Variants in PC observed in about 807,000 individuals in gnomAD.
PC encodes the protein pyruvate carboxylase.
In PC, 46 loss-of-function variants were observed where a neutral mutation model predicts 107.8. The observed-to-expected ratio is 0.43, with a 90% CI of 0.34 to 0.55. The LOEUF (loss-of-function observed/expected upper bound fraction) is 0.55. Ranked by LOEUF, PC falls within the 20% of genes least tolerant of loss-of-function variation. PC has a pLI of 0.04. For missense variants in PC, 1,241 were observed against 1,643.1 expected, an observed-to-expected ratio of 0.76 and a Z score of 4.23; for synonymous variants, 662 against 684.7, an observed-to-expected ratio of 0.97 and a Z score of 0.52.
chr11:66,941,084 A>C (rs1949118005), intron 3 of PC, among the ~76,000 whole-genome samples: 1 of 140,396 alleles, frequency 7.1e-6, no homozygotes. Flanking sequence ...CATCTAAAAA[A>C]AAAAAAAAAA....
At chr11:66,899,640 G>A (rs751468653) in intron 3 of PC, among the ~76,000 whole-genome samples, 18 of 152,198 alleles carry the variant, frequency 1.2e-4, no homozygotes, top group Non-Finnish European at 1.9e-4. Context: ...CCAGCCAAGA[G>A]TTCTTGAGGT....
chr11:66,956,332 C>T (rs1949560539), intron 1 of PC, among the ~76,000 whole-genome samples: 3 of 152,058 alleles, frequency 2.0e-5, no homozygotes. Context: ...TGCCTATAAT[C>T]CCAGCACTTT....
At chr11:66,872,889 T>C (rs1396374582) in intron 3 of PC, among the ~76,000 whole-genome samples, 2 of 151,312 alleles carry the variant, frequency 1.3e-5, no homozygotes, top group Non-Finnish European at 2.9e-5. Context: ...ATATAAAAAT[T>C]AGCCGGGCAT....
intron 3 of PC, among the ~76,000 whole-genome samples, chr11:66,941,313 T>C (rs1438760305): frequency 6.6e-6 from 1 of 152,000 alleles, no homozygotes; most frequent in African/African-American, 2.4e-5. Context: ...AAAAATAGAA[T>C]TGCCATTGAC....
chr11:66,953,350 C>T (rs145548343), intron 2 of PC, among the ~76,000 whole-genome samples: 1 of 152,304 alleles, frequency 6.6e-6, no homozygotes, highest in Non-Finnish European at 1.5e-5. Context: ...AGCTGTCTTA[C>T]GTGACCTGAG....
At chr11:66,903,914 G>A (rs1423217757) in intron 3 of PC, among the ~76,000 whole-genome samples, 2 of 145,738 alleles carry the variant, frequency 1.4e-5, no homozygotes, top group Admixed American at 6.9e-5. Context: ...TGCAACCTCC[G>A]CCTCCTAGGC....
intron 11 of PC, among the ~76,000 whole-genome samples, chr11:66,865,251 A>G (rs1371237262): frequency 6.6e-6 from 1 of 151,632 alleles, no homozygotes; most frequent in Non-Finnish European, 1.5e-5. Flanking sequence ...CTTGTCTCAG[A>G]AGCCCAGAGC....
intron 3 of PC, among the ~76,000 whole-genome samples, chr11:66,918,846 T>G (rs1948527293): frequency 6.6e-6 from 1 of 152,116 alleles, no homozygotes; most frequent in Non-Finnish European, 1.5e-5. Context: ...CCCAGCCCAG[T>G]GAAGAAGGCC....
At chr11:66,860,950 C>A (rs1197490399) in intron 12 of PC, among the ~76,000 whole-genome samples, 1 of 152,144 alleles carries the variant, frequency 6.6e-6, no homozygotes, top group African/African-American at 2.4e-5. Flanking sequence ...CTGTGTCTGC[C>A]ACCTCCCAGG....
chr11:66,950,173 G>A (rs1236671150), intron 3 of PC, among the ~76,000 whole-genome samples: 2 of 152,180 alleles, frequency 1.3e-5, no homozygotes, highest in Non-Finnish European at 2.9e-5. Flanking sequence ...CATAGTAACT[G>A]CAGCACTCAG....
At chr11:66,883,162 C>T (rs1164895974) in intron 3 of PC, among the ~76,000 whole-genome samples, 1 of 152,102 alleles carries the variant, frequency 6.6e-6, no homozygotes, top group Admixed American at 6.5e-5. Flanking sequence ...AAAGGAGCAG[C>T]CGAGGGGGAA....
At chr11:66,853,010 G>A (rs1193189722) in intron 13 of PC, 174 bp from the exon 14 acceptor site, 26 of 694,426 alleles carry the variant, frequency 3.7e-5, no homozygotes, top group East Asian at 3.3e-4. Context: ...CAGTGGGGAC[G>A]TCTTGAGGAC....
rs113071273 is a variant in PC, at chr11:66,852,581, C to T, written c.1683G>A (p.Pro561=). The T allele has an allele frequency of 2.4e-4, 393 of 1,614,006 alleles. 1 individual carries two copies. The highest frequency in any genetic ancestry group is 2.0e-4 in the Non-Finnish European group (241 of 1,180,024). ...AGGTCGTGTCCATCAGCAGCAGCCC[C>T]GGGTGGTTCCGCACAGCTCGAGCAA... ...EGFARAVRNH[P]GLLLMDTTFR... The change falls in exon 15 of 23, where the codon CCG becomes CCA. Residue 561 remains proline, a synonymous_variant. Transcript: ENST00000393960. This position sits in a 1 kb window ranked among gnomAD's most constrained non-coding sequence, Gnocchi z 4.7.
intron 12 of PC, among the ~76,000 whole-genome samples, chr11:66,854,816 G>A (rs1945706455): frequency 6.6e-6 from 1 of 152,228 alleles, no homozygotes; most frequent in Admixed American, 6.5e-5. Flanking sequence ...CCACAGAGTG[G>A]GACCCCGCCA....
chr11:66,922,642 C>G (rs1205375082), intron 3 of PC, among the ~76,000 whole-genome samples: 1 of 150,380 alleles, frequency 6.6e-6, no homozygotes, highest in Non-Finnish European at 1.5e-5. Flanking sequence ...AGAGGTGCAT[C>G]AGGGATAAGT....
intron 3 of PC, among the ~76,000 whole-genome samples, chr11:66,876,031 G>A (rs769416049): frequency 2.4e-4 from 37 of 152,188 alleles, no homozygotes; most frequent in Non-Finnish European, 4.7e-4. Context: ...GTCAAAGGTC[G>A]TGAGAGACAA....
At chr11:66,886,765 A>C (rs1947380330) in intron 3 of PC, among the ~76,000 whole-genome samples, 1 of 152,196 alleles carries the variant, frequency 6.6e-6, no homozygotes, top group Non-Finnish European at 1.5e-5. Context: ...TTTGAACCTG[A>C]AGAGTATCCG....
intron 3 of PC, among the ~76,000 whole-genome samples, chr11:66,888,934 C>T (rs770953442): frequency 3.9e-5 from 6 of 151,906 alleles, no homozygotes; most frequent in Non-Finnish European, 7.4e-5. Context: ...ATTAGCCGGG[C>T]GTGGTGGTGC....
chr11:66,923,508 G>A (rs1215407753), intron 3 of PC, among the ~76,000 whole-genome samples: 3 of 151,738 alleles, frequency 2.0e-5, no homozygotes, highest in African/African-American at 4.8e-5. Flanking sequence ...ATTTGGGTTT[G>A]TTTTTGTTGT....
Sources: allele counts gnomAD v4.1 joint callset (sites outside exome capture counted in the v4.1 genomes callset), GRCh38; gene constraint gnomAD v4.1.1; non-coding constraint Gnocchi (gnomAD v3.1); transcripts MANE v1.5; gene names NCBI Gene and HGNC (gene_info 2026-07-23, HGNC 2026-07-21).